The following CNTN6 variants were observed in gnomAD, a reference collection of about 807,000 sequenced individuals.
CNTN6 encodes contactin-6.
A neutral mutation model predicts 122.8 loss-of-function variants in CNTN6; 137 were observed. The ratio of observed to expected loss-of-function variants is 1.12; its 90% CI spans 0.97 to 1.29. The LOEUF (loss-of-function observed/expected upper bound fraction) is 1.29. Among genes scored for constraint, CNTN6 ranks in the 50% most tolerant of loss-of-function variants. The pLI is 0.00. For missense variants in CNTN6, 1,634 were observed against 1,223.4 expected (o/e 1.34, Z -5.01); for synonymous variants, 570 against 426.0 (o/e 1.34, Z -4.16).
chr3:1,214,634 A>G (rs775567629), intron 2 of CNTN6, among the ~76,000 whole-genome samples: 8 of 152,076 alleles, frequency 5.3e-5, no homozygotes, highest in Non-Finnish European at 1.2e-4. Flanking sequence ...TTTGAAAGAT[A>G]TATTGGTGAT....
intron 1 of CNTN6, among the ~76,000 whole-genome samples, chr3:1,135,018 C>A (rs1439604663): frequency 6.6e-6 from 1 of 151,882 alleles, no homozygotes; most frequent in African/African-American, 2.4e-5. Context: ...GAGGTTGGAC[C>A]CCCATGCCCC....
intron 11 of CNTN6, among the ~76,000 whole-genome samples, chr3:1,339,207 C>T (rs761538784): frequency 9.9e-5 from 15 of 151,868 alleles, no homozygotes; most frequent in Admixed American, 9.2e-4. Context: ...GCTAATGTCC[C>T]GGAGGGAGAA....
intron 1 of CNTN6, among the ~76,000 whole-genome samples, chr3:1,094,926 AAAAATG>A (rs2090443970): frequency 6.6e-6 from 1 of 152,134 alleles, no homozygotes; most frequent in South Asian, 2.1e-4. Context: ...TCTACCTATT[AAAAATG>A]ACTCAAACTA....
At chr3:1,157,898 G>T (rs2093012615) in intron 2 of CNTN6, among the ~76,000 whole-genome samples, 1 of 152,134 alleles carries the variant, frequency 6.6e-6, no homozygotes, top group African/African-American at 2.4e-5. Flanking sequence ...TTTATCTGTT[G>T]ATGGATACTT....
intron 10 of CNTN6, 141 bp from the exon 11 acceptor site, chr3:1,329,644 C>G: frequency 1.6e-6 from 1 of 616,282 alleles, no homozygotes; most frequent in Non-Finnish European, 2.7e-6. Context: ...AGTATTTGGT[C>G]CAAGAACACC....
chr3:1,347,678 A>C (rs1704948388), intron 11 of CNTN6, among the ~76,000 whole-genome samples: 1 of 152,138 alleles, frequency 6.6e-6, no homozygotes, highest in Non-Finnish European at 1.5e-5. Flanking sequence ...AGAAAATGTC[A>C]AATATTAGTA....
At chr3:1,331,284 C>T (rs1702248976) in intron 11 of CNTN6, among the ~76,000 whole-genome samples, 1 of 151,956 alleles carries the variant, frequency 6.6e-6, no homozygotes, top group Admixed American at 6.6e-5. Context: ...TCACATTTAT[C>T]TTTGTATGTC....
At chr3:1,189,591 T>G (rs931664890) in intron 2 of CNTN6, among the ~76,000 whole-genome samples, 3 of 152,224 alleles carry the variant, frequency 2.0e-5, no homozygotes, top group African/African-American at 4.8e-5. Context: ...AATTTTGGAC[T>G]GTTAGAGCCA....
At chr3:1,385,197 A>G (rs763283321) in intron 19 of CNTN6, among the ~76,000 whole-genome samples, 1 of 152,084 alleles carries the variant, frequency 6.6e-6, no homozygotes, top group Non-Finnish European at 1.5e-5. Context: ...TATAAATTGA[A>G]TTATTAATTA....
intron 2 of CNTN6, among the ~76,000 whole-genome samples, chr3:1,196,012 A>T (rs1479830375): frequency 6.6e-6 from 1 of 152,202 alleles, no homozygotes; most frequent in South Asian, 2.1e-4. Flanking sequence ...GTCATAAAGC[A>T]AAAAGAGACA....
chr3:1,103,020 G>A lies in CNTN6; in HGVS notation c.-83+9900G>A, dbSNP rs547111058. ...ACTCGGGAGGCTGAGGCAGGAGAATGGCGGGAACCCGGGAGGCGGAGCTTG... is the reference window on the plus strand; with the variant it reads ...ACTCGGGAGGCTGAGGCAGGAGAATAGCGGGAACCCGGGAGGCGGAGCTTG... On this transcript the variant is annotated intron_variant, in intron 1 of 22. Transcript: ENST00000446702. Among the ~76,000 whole-genome samples, 631 of 151,452 alleles carry A rather than the reference G, an allele frequency of 4.2e-3. 4 individuals carry two copies. Among genetic ancestry groups the A allele is most frequent in the Non-Finnish European group, 4.1e-3 (280 of 67,878 alleles).
At chr3:1,194,838 C>A (rs934833704) in intron 2 of CNTN6, among the ~76,000 whole-genome samples, 2 of 152,186 alleles carry the variant, frequency 1.3e-5, no homozygotes, top group African/African-American at 4.8e-5. Flanking sequence ...TACCTGGCAG[C>A]ATGAGATGTT....
chr3:1,175,568 T>C (rs2093433844), intron 2 of CNTN6, among the ~76,000 whole-genome samples: 1 of 152,200 alleles, frequency 6.6e-6, no homozygotes, highest in Non-Finnish European at 1.5e-5. Flanking sequence ...TACAAATTAC[T>C]AAGGATACTC....
At chr3:1,401,335 A>C (rs1195350737) in intron 20 of CNTN6, 98 bp from the exon 21 acceptor site, 5 of 930,178 alleles carry the variant, frequency 5.4e-6, no homozygotes, top group Non-Finnish European at 3.4e-6. Context: ...CTTCTATGCA[A>C]ATCATCGAAG....
chr3:1,281,654 G>A (rs568399641), intron 5 of CNTN6, among the ~76,000 whole-genome samples: 15 of 152,028 alleles, frequency 9.9e-5, no homozygotes, highest in Middle Eastern at 3.4e-3. Flanking sequence ...TAGTAGAGGC[G>A]GGGTTTCACT....
At chr3:1,202,367 C>T (rs142827954) in intron 2 of CNTN6, among the ~76,000 whole-genome samples, 14,747 of 151,450 alleles carry the variant, frequency 0.097, 804 homozygotes, top group Non-Finnish European at 0.13. Context: ...GGTGAAACCG[C>T]GTCTCTACTA....
intron 2 of CNTN6, among the ~76,000 whole-genome samples, chr3:1,212,126 G>T (rs945500523): frequency 6.6e-6 from 1 of 152,026 alleles, no homozygotes; most frequent in African/African-American, 2.4e-5. Context: ...AGGAAGAAAG[G>T]TAGGGCAGAA....
intron 12 of CNTN6, among the ~76,000 whole-genome samples, chr3:1,370,187 A>C (rs761105221): frequency 6.6e-5 from 10 of 151,936 alleles, no homozygotes; most frequent in Non-Finnish European, 1.3e-4. Flanking sequence ...GTTTTTTTTT[A>C]ATCTATTGGT....
intron 4 of CNTN6, among the ~76,000 whole-genome samples, chr3:1,245,867 A>G (rs2094576193): frequency 6.6e-6 from 1 of 152,028 alleles, no homozygotes; most frequent in Non-Finnish European, 1.5e-5. Context: ...TGGAAGAAGA[A>G]TTGTCTTGGG....
Sources: gnomAD v4.1 joint callset for allele counts (sites outside exome capture counted in the v4.1 genomes callset) on GRCh38, gnomAD v4.1.1 for gene constraint, MANE v1.5 for transcripts, NCBI Gene and HGNC (gene_info 2026-07-23, HGNC 2026-07-21) for gene names.